TRPM3: variants seen among roughly 807,000 people sequenced by gnomAD.
TRPM3 encodes the protein long transient receptor potential channel 3.
In TRPM3, 77 loss-of-function variants were observed where a neutral mutation model predicts 181.2. The observed-to-expected ratio is 0.42, with a 90% CI of 0.35 to 0.51. The LOEUF is 0.51. Ranked by LOEUF, TRPM3 falls within the 20% of genes least tolerant of loss-of-function variation. TRPM3 has a pLI of 0.01. For missense variants in TRPM3, 1,759 were observed against 2,196.7 expected (o/e 0.80, Z 3.98); for synonymous variants, 745 against 796.4 (o/e 0.94, Z 1.09).
At chr9:70,671,930 ATTTT>A (rs10633740) in intron 9 of TRPM3, among the ~76,000 whole-genome samples, 1 of 141,518 alleles carries the variant, frequency 7.1e-6, no homozygotes, top group African/African-American at 2.6e-5. Flanking sequence ...TGTCCAGCTA[ATTTT>A]TTTTTTTTTT....
At chr9:71,328,118 A>G (rs2132513632) in intron 1 of TRPM3, among the ~76,000 whole-genome samples, 1 of 151,612 alleles carries the variant, frequency 6.6e-6, no homozygotes, top group South Asian at 2.1e-4. Context: ...TGAAGAAGCC[A>G]AAGGGTCTCC....
intron 16 of TRPM3, among the ~76,000 whole-genome samples, chr9:70,619,406 C>CT (rs1170887633): frequency 0.41 from 33,180 of 80,784 alleles, 8,311 homozygotes; most frequent in Non-Finnish European, 0.51. Context: ...TCGTCGTCTT[C>CT]TTTTTTTTTT....
rs1380277342 is a variant in TRPM3 at position 70,848,905 on chromosome 9, A to C, written c.463-2314T>G. Among the ~76,000 whole-genome samples, 10 of 82,236 alleles carry C rather than the reference A, an allele frequency of 1.2e-4. 4 individuals carry two copies. Among genetic ancestry groups the C allele is most frequent in the Non-Finnish European group, 2.1e-4 (9 of 42,760 alleles). 54.0% of individuals were successfully genotyped at this position (82,236 alleles called of 152,430 possible). A position where few individuals can be genotyped will look rare whatever the true frequency, so the allele number is the denominator to read the frequency against. On this transcript the variant is annotated intron_variant, in intron 3 of 25. Coordinates refer to ENST00000677713, the MANE Select transcript of TRPM3 (RefSeq NM_001366145.2). The stretch of plus-strand genomic sequence containing the variant: ...GGCAGGAGAATGGCTTGAACCCGGG[A>C]GGCGGAGCTTGCAGTGAGCCTAGAT...
At chr9:71,441,373 T>C (rs139427757) in intron 1 of TRPM3, among the ~76,000 whole-genome samples, 8 of 152,332 alleles carry the variant, frequency 5.3e-5, no homozygotes, top group Admixed American at 3.3e-4. Flanking sequence ...AAATGGTTTA[T>C]ACAGTAATGG....
At chr9:71,309,901 T>C (rs11142797) in intron 1 of TRPM3, among the ~76,000 whole-genome samples, 87 of 152,254 alleles carry the variant, frequency 5.7e-4, no homozygotes, top group Non-Finnish European at 1.0e-3. Context: ...ACATTAAATA[T>C]TTCTATCATT....
chr9:70,635,955 T>C (rs961946873), intron 11 of TRPM3, among the ~76,000 whole-genome samples: 5 of 152,150 alleles, frequency 3.3e-5, no homozygotes, highest in Non-Finnish European at 2.9e-5. Flanking sequence ...AAAGGACCCA[T>C]TGACCGCACT....
intron 1 of TRPM3, among the ~76,000 whole-genome samples, chr9:70,868,244 A>G: frequency 6.6e-6 from 1 of 151,998 alleles, no homozygotes; most frequent in East Asian, 1.9e-4. Context: ...CTGCATTATC[A>G]GTCATGTGTG....
At chr9:70,567,502 C>T (rs1359622630) in intron 22 of TRPM3, among the ~76,000 whole-genome samples, 1 of 152,118 alleles carries the variant, frequency 6.6e-6, no homozygotes. Flanking sequence ...GGTGACATGT[C>T]AAATCTAACC....
At chr9:70,938,473 T>A (rs2096851317) in intron 1 of TRPM3, among the ~76,000 whole-genome samples, 1 of 152,198 alleles carries the variant, frequency 6.6e-6, no homozygotes, top group Admixed American at 6.5e-5. Context: ...TTTAATCCTG[T>A]CTTTTTTTTC....
intron 1 of TRPM3, among the ~76,000 whole-genome samples, chr9:71,311,085 TA>T (rs1324003292): frequency 2.0e-5 from 3 of 152,134 alleles, no homozygotes; most frequent in African/African-American, 7.2e-5. Flanking sequence ...CTACCTTATA[TA>T]CTTTTTTGGA....
chr9:71,247,940 T>C (rs1484119844), intron 1 of TRPM3, among the ~76,000 whole-genome samples: 1 of 152,182 alleles, frequency 6.6e-6, no homozygotes. Context: ...AATAGTGAAA[T>C]ATTTGAGGAG....
At chr9:71,146,455 C>G (rs2075413328) in intron 1 of TRPM3, among the ~76,000 whole-genome samples, 1 of 152,140 alleles carries the variant, frequency 6.6e-6, no homozygotes, top group Non-Finnish European at 1.5e-5. Context: ...TTTCCTAACA[C>G]TAGAATTTTT....
chr9:71,120,936 A>G (rs999609539), intron 1 of TRPM3, among the ~76,000 whole-genome samples: 5 of 147,772 alleles, frequency 3.4e-5, no homozygotes, highest in Non-Finnish European at 7.4e-5. Flanking sequence ...ATTCTCTGAG[A>G]CCAAAATCTC....
At chr9:71,253,289 T>C (rs1436983410) in intron 1 of TRPM3, among the ~76,000 whole-genome samples, 2 of 152,156 alleles carry the variant, frequency 1.3e-5, no homozygotes, top group East Asian at 3.9e-4. Context: ...ATGTTTATAG[T>C]AAGGAAGAAA....
intron 1 of TRPM3, among the ~76,000 whole-genome samples, chr9:70,948,153 A>G (rs2096956952): frequency 6.6e-6 from 1 of 151,930 alleles, no homozygotes; most frequent in Admixed American, 6.6e-5. Context: ...AGAGCACTAA[A>G]CAGCTCTTCC....
chr9:71,100,539 G>A (rs1251848930), intron 1 of TRPM3, among the ~76,000 whole-genome samples: 1 of 152,038 alleles, frequency 6.6e-6, no homozygotes, highest in African/African-American at 2.4e-5. Flanking sequence ...CACTCACCTG[G>A]GAGGTATATA....
intron 1 of TRPM3, among the ~76,000 whole-genome samples, chr9:71,150,095 A>G (rs1322875158): frequency 6.6e-6 from 1 of 152,062 alleles, no homozygotes; most frequent in African/African-American, 2.4e-5. Context: ...TGAAAAAGTT[A>G]AAAAAAATTA....
At chr9:71,158,157 C>T (rs2076097624) in intron 1 of TRPM3, among the ~76,000 whole-genome samples, 1 of 152,054 alleles carries the variant, frequency 6.6e-6, no homozygotes. Context: ...AGAAAAGATC[C>T]TATTATATTC....
At chr9:71,357,732 TAAAAA>T (rs61173147) in intron 1 of TRPM3, among the ~76,000 whole-genome samples, 1 of 149,148 alleles carries the variant, frequency 6.7e-6, no homozygotes, top group African/African-American at 2.5e-5. Context: ...ATGCTTTCCA[TAAAAA>T]AAAAAAAAAA....
Sources: allele counts gnomAD v4.1 joint callset (sites outside exome capture counted in the v4.1 genomes callset), GRCh38; gene constraint gnomAD v4.1.1; transcripts MANE v1.5; gene names NCBI Gene and HGNC (gene_info 2026-07-23, HGNC 2026-07-21).